INPP5F: variants seen among roughly 807,000 people sequenced by gnomAD.
INPP5F encodes inositol polyphosphate-5-phosphatase F.
A neutral mutation model predicts 137.2 loss-of-function variants in INPP5F; 97 were observed. That is an observed-to-expected ratio of 0.71 (90% CI 0.60 to 0.84). The LOEUF (loss-of-function observed/expected upper bound fraction) is 0.84, where lower values mean the gene tolerates loss of function less well. Among genes scored for constraint, INPP5F ranks in the 40% least tolerant of loss-of-function variants. The pLI is 0.00. For missense variants in INPP5F, 1,271 were observed against 1,371.9 expected (o/e 0.93, Z 1.16); for synonymous variants, 504 against 476.9 (o/e 1.06, Z -0.74).
Position 119,787,440 on chromosome 10 carries a change from C to T in INPP5F, c.316-4077C>T, listed in dbSNP as rs1049298080. ...TCTCTACTAAAAATACAAAACTTAG[C>T]CAGGCATGATGGCATGTGCCTCAGC... On this transcript the variant is annotated intron_variant, in intron 3 of 19. Coordinates refer to ENST00000650623, the MANE Select transcript of INPP5F (RefSeq NM_014937.4). This position sits in a 1 kb window ranked among gnomAD's most constrained non-coding sequence, Gnocchi z 4.1. Among the ~76,000 whole-genome samples the T allele has an allele frequency of 2.6e-5, 4 of 152,070 alleles. No individual in the cohort carries two copies. Among genetic ancestry groups the T allele is most frequent in the Non-Finnish European group, 5.9e-5 (4 of 68,018 alleles).
At chr10:119,804,363 A>G (rs1589734598) in intron 10 of INPP5F, 66 bp downstream of exon 10, 1 of 1,295,932 alleles carries the variant, frequency 7.7e-7, no homozygotes, top group East Asian at 2.6e-5. Flanking sequence ...TGCCACAGGG[A>G]CCTTAGTTTC....
At chr10:119,782,712 G>A (rs1849749392) in intron 3 of INPP5F, among the ~76,000 whole-genome samples, 1 of 152,132 alleles carries the variant, frequency 6.6e-6, no homozygotes, top group African/African-American at 2.4e-5. Context: ...AAATAAAGGA[G>A]GCCTGGCAAG....
intron 15 of INPP5F, chr10:119,819,602 C>T: frequency 1.5e-6 from 2 of 1,322,802 alleles, no homozygotes; most frequent in African/African-American, 1.5e-5. Context: ...CTCTATGAAG[C>T]TGTCTGGATC....
At chr10:119,746,188 C>T (rs1848527214) in intron 1 of INPP5F, among the ~76,000 whole-genome samples, 2 of 152,280 alleles carry the variant, frequency 1.3e-5, no homozygotes, top group South Asian at 2.1e-4. Flanking sequence ...TGTGTTTCTC[C>T]AATGATGGGA....
At chr10:119,802,061 T>C (rs1850612900) in intron 9 of INPP5F, among the ~76,000 whole-genome samples, 1 of 152,168 alleles carries the variant, frequency 6.6e-6, no homozygotes, top group Non-Finnish European at 1.5e-5. Context: ...TCACCAGTGA[T>C]TGGTTCAGGC....
At chr10:119,734,947 T>C (rs1014577016) in intron 1 of INPP5F, among the ~76,000 whole-genome samples, 26 of 152,198 alleles carry the variant, frequency 1.7e-4, no homozygotes, top group Non-Finnish European at 2.9e-5. Flanking sequence ...GAGGAGAACA[T>C]TTGAATCAGT....
At position 119,752,952 on chromosome 10, in the gene INPP5F, C is replaced by G; in HGVS notation, c.178+1796C>G. ...TTGAGTTGTTTCTTTTTTTTTCTTT[C>G]TTTTTTTTTTGCTATTAGAACTAAT... On this transcript the variant is annotated intron_variant, in intron 2 of 19. Transcript: ENST00000650623. Among the ~76,000 whole-genome samples, 3 of 140,020 alleles carry G rather than the reference C, an allele frequency of 2.1e-5. No individual in the cohort carries two copies. In the Middle Eastern group the frequency reaches 0.011, roughly 515 times the overall value. The allele number at this position is 140,020 out of a possible 152,430, so 91.9% of individuals were successfully genotyped here. A position where few individuals can be genotyped will look rare whatever the true frequency, so the allele number is the denominator to read the frequency against.
chr10:119,795,849 G>A (rs1168418621), intron 6 of INPP5F, among the ~76,000 whole-genome samples: 1 of 152,200 alleles, frequency 6.6e-6, no homozygotes, highest in Admixed American at 6.5e-5. Context: ...GCCAAGGCTG[G>A]CGGATCACTC....
chr10:119,757,366 C>T (rs1848879133), intron 2 of INPP5F, among the ~76,000 whole-genome samples: 1 of 151,540 alleles, frequency 6.6e-6, no homozygotes, highest in Non-Finnish European at 1.5e-5. Flanking sequence ...CCATGCCCGA[C>T]CGAGATTTAT....
In INPP5F at chr10:119,827,028, G is replaced by C; in HGVS notation, c.2647G>C (p.Gly883Arg). 1.2e-6 allele frequency: 2 copies of C among 1,614,104 alleles called. No individual in the cohort carries two copies. Among genetic ancestry groups the C allele is most frequent in the African/African-American group, 1.3e-5 (1 of 75,022 alleles). ...GCTAGCTAACTCATTAGAGAGTGTAGGGCCAATAGATTACGTTCTTCCTAG... is the reference window on the plus strand; with the variant it reads ...GCTAGCTAACTCATTAGAGAGTGTACGGCCAATAGATTACGTTCTTCCTAG... Reference protein sequence around the residue: ...RQLANSLESVGPIDYVLPSCG... With the variant: ...RQLANSLESVRPIDYVLPSCG... The change falls in exon 20 of 20, where the codon GGG becomes CGG. Residue 883 changes from glycine to arginine, a missense_variant. Coordinates refer to ENST00000650623, the MANE Select transcript of INPP5F (RefSeq NM_014937.4).
chr10:119,814,429 A>G (rs1851180050), intron 15 of INPP5F: 1 of 152,208 alleles, frequency 6.6e-6, no homozygotes, highest in Non-Finnish European at 1.5e-5. Context: ...AAAAGTTCCC[A>G]ATGAAGAATA....
intron 2 of INPP5F, among the ~76,000 whole-genome samples, chr10:119,754,159 G>A (rs1480752602): frequency 6.6e-6 from 1 of 152,210 alleles, no homozygotes; most frequent in Non-Finnish European, 1.5e-5. Flanking sequence ...AGACTTATTT[G>A]CCCATCTTGG....
At chr10:119,783,381 C>A (rs1849771127) in intron 3 of INPP5F, among the ~76,000 whole-genome samples, 1 of 152,160 alleles carries the variant, frequency 6.6e-6, no homozygotes, top group African/African-American at 2.4e-5. Context: ...GGGTCTCTGG[C>A]AGTTTGATTT....
At chr10:119,732,501 T>TTTTTTCTTTTTTC (rs72190556) in intron 1 of INPP5F, among the ~76,000 whole-genome samples, 1 of 83,782 alleles carries the variant, frequency 1.2e-5, no homozygotes, top group Non-Finnish European at 2.4e-5. Context: ...TTCTTTTTTC[T>TTTTTTCTTTTTTC]TTTTTTTTTT....
intron 8 of INPP5F, among the ~76,000 whole-genome samples, chr10:119,797,851 CAGT>C (rs1316033844): frequency 2.6e-5 from 4 of 152,272 alleles, no homozygotes; most frequent in South Asian, 2.1e-4. Flanking sequence ...ATTTCTCTAA[CAGT>C]AGAGCAAAAC....
chr10:119,818,809 G>T (rs1028094971), intron 15 of INPP5F: 1 of 152,296 alleles, frequency 6.6e-6, no homozygotes, highest in Admixed American at 6.5e-5. Flanking sequence ...CGGACTGACT[G>T]ACGATGCCGC....
chr10:119,769,472 A>T (rs1195335926), intron 2 of INPP5F, among the ~76,000 whole-genome samples: 1 of 151,914 alleles, frequency 6.6e-6, no homozygotes, highest in East Asian at 1.9e-4. Context: ...CTGGGAAGGG[A>T]TGCCCAGAAA....
Position 119,726,092 on chromosome 10 carries a change from C to T in INPP5F, c.-171C>T, listed in dbSNP as rs974948965. On this transcript the variant is annotated 5_prime_UTR_variant, in exon 1 of 20. Coordinates refer to ENST00000650623, the MANE Select transcript of INPP5F (RefSeq NM_014937.4). ...GCCGCTGCCGCCGCCGCTGCCGGGG[C>T]GCGTTCTCCTCCTACCGGTCGGGTG... 2.6e-6 allele frequency: 1 copy of T among 378,032 alleles called. No individual in the cohort carries two copies. The highest frequency in any genetic ancestry group is 4.3e-5 in the East Asian group (1 of 23,046). 23.4% of individuals were successfully genotyped at this position (378,032 alleles called of 1,614,324 possible).
chr10:119,783,414 A>G (rs1564826942), intron 3 of INPP5F, among the ~76,000 whole-genome samples: 1 of 152,224 alleles, frequency 6.6e-6, no homozygotes, highest in Non-Finnish European at 1.5e-5. Context: ...CAGCCCGCCC[A>G]GCACTTTATC....
Sources: gnomAD v4.1 joint callset for allele counts (sites outside exome capture counted in the v4.1 genomes callset) on GRCh38, gnomAD v4.1.1 for gene constraint, Gnocchi (gnomAD v3.1) non-coding constraint, MANE v1.5 for transcripts, NCBI Gene and HGNC (gene_info 2026-07-23, HGNC 2026-07-21) for gene names.